PSMF1: variants seen among roughly 807,000 people sequenced by gnomAD.
The protein encoded by PSMF1 is proteasome inhibitor subunit 1, also known as proteasome inhibitor PI31 subunit.
PSMF1 carries 30 observed loss-of-function variants against 29.3 expected under a neutral mutation model. That is an observed-to-expected ratio of 1.02 (90% CI 0.77 to 1.39). The LOEUF (loss-of-function observed/expected upper bound fraction) is 1.39, where lower values mean the gene tolerates loss of function less well. Among genes scored for constraint, PSMF1 ranks in the 40% most tolerant of loss-of-function variants. The pLI, the probability that PSMF1 is intolerant of heterozygous loss-of-function variation, is 0.00. For missense variants in PSMF1, 344 were observed against 357.5 expected, an observed-to-expected ratio of 0.96 and a Z score of 0.31; for synonymous variants, 134 against 139.7, an observed-to-expected ratio of 0.96 and a Z score of 0.29.
At chr20:1,160,593 G>A (rs968753630) in intron 4 of PSMF1, 2 of 489,650 alleles carry the variant, frequency 4.1e-6, no homozygotes, top group African/African-American at 4.0e-5. Context: ...AATGGAAGAA[G>A]AGATCACCAT....
At chr20:1,124,754 A>C (rs572083222) in intron 1 of PSMF1, among the ~76,000 whole-genome samples, 40 of 152,362 alleles carry the variant, frequency 2.6e-4, no homozygotes, top group African/African-American at 9.1e-4. Context: ...ATTTCCAAAA[A>C]CTATCAAATA....
At chr20:1,119,164 T>C (rs1004558631) in intron 1 of PSMF1, among the ~76,000 whole-genome samples, 1 of 152,172 alleles carries the variant, frequency 6.6e-6, no homozygotes, top group Non-Finnish European at 1.5e-5. Context: ...TGGCAGCCTC[T>C]CAGGCCAGGA....
chr20:1,166,401 A>G lies in PSMF1; in HGVS notation c.*1321A>G, dbSNP rs2086730949. ...CTCAGCTCCCTGGATTCCTTCCCCTAAATTAGGACCTATTATTTACCTGTA... is the reference window on the plus strand; with the variant it reads ...CTCAGCTCCCTGGATTCCTTCCCCTGAATTAGGACCTATTATTTACCTGTA... On this transcript the variant is annotated 3_prime_UTR_variant, in exon 7 of 7. Transcript: ENST00000335877. 1.1e-6 allele frequency: 1 copy of G among 893,604 alleles called. No homozygotes were observed. Among genetic ancestry groups the G allele is most frequent in the Non-Finnish European group, 1.8e-6 (1 of 560,310 alleles). The allele number at this position is 893,604 out of a possible 1,614,324, so 55.4% of individuals were successfully genotyped here.
Position 1,164,972 on chromosome 20 carries a change from C to A in PSMF1, c.765-57C>A. ...TCCCTCAGTGCAGGGTCATGTCTGC[C>A]CATGTTCCCCTGGTCTCTCCATCAC... On this transcript the variant is annotated intron_variant, in intron 6 of 6. Coordinates refer to ENST00000335877, the MANE Select transcript of PSMF1 (RefSeq NM_006814.5). This position sits in a 1 kb window ranked among gnomAD's most constrained non-coding sequence, Gnocchi z 4.1. The A allele has an allele frequency of 6.9e-7, 1 of 1,458,912 alleles. No individual in the cohort carries two copies. Among genetic ancestry groups the A allele is most frequent in the Non-Finnish European group, 9.6e-7 (1 of 1,039,038 alleles). 90.4% of individuals were successfully genotyped at this position (1,458,912 alleles called of 1,614,324 possible). A position where few individuals can be genotyped will look rare whatever the true frequency, so the allele number is the denominator to read the frequency against.
rs567328572 is a variant in PSMF1, at chr20:1,170,480, C to T, written c.*5400C>T. Among the ~76,000 whole-genome samples, 1 of 152,226 alleles carries T rather than the reference C, an allele frequency of 6.6e-6. No individual in the cohort carries two copies. The highest frequency in any genetic ancestry group is 2.4e-5 in the African/African-American group (1 of 41,506). Reference sequence around the variant, plus strand: ...TCATGTTATCTTTAAAAATGCAGCACCTTTATAGCATACATTATATCTTCA... The same window carrying T: ...TCATGTTATCTTTAAAAATGCAGCATCTTTATAGCATACATTATATCTTCA... On this transcript the variant is annotated 3_prime_UTR_variant, in exon 7 of 7. Transcript: ENST00000335877.
At chr20:1,118,211 G>T (rs2086030850), upstream of PSMF1, among the ~76,000 whole-genome samples, 1 of 152,240 alleles carries the variant, frequency 6.6e-6, no homozygotes, top group Non-Finnish European at 1.5e-5. Context: ...GTGCAATGAG[G>T]CACATTAATC....
At chr20:1,138,248 C>G (rs2122520911) in intron 4 of PSMF1, among the ~76,000 whole-genome samples, 1 of 152,276 alleles carries the variant, frequency 6.6e-6, no homozygotes, top group East Asian at 1.9e-4. Context: ...AAAGTACTAA[C>G]AAACCAAATC....
At chr20:1,125,705 T>C (rs1259851015) in intron 2 of PSMF1, 55 bp downstream of exon 2, 1 of 1,573,084 alleles carries the variant, frequency 6.4e-7, no homozygotes, top group Non-Finnish European at 8.6e-7. Flanking sequence ...GAATGGCTGT[T>C]TTGAAACCCA....
chr20:1,171,074 A>AG lies in PSMF1; in HGVS notation c.*5994_*5995insG, dbSNP rs2086785315. ...TGAGGTGCATGGGTCCCTGGGCAAA[A>AG]CCCATTCCAGAAGCTGGGAAACCAC... On this transcript the variant is annotated 3_prime_UTR_variant, in exon 7 of 7. Coordinates refer to ENST00000335877, the MANE Select transcript of PSMF1 (RefSeq NM_006814.5). Among the ~76,000 whole-genome samples, 1 of 151,986 alleles carries AG rather than the reference A, an allele frequency of 6.6e-6. No homozygotes were observed. The highest frequency in any genetic ancestry group is 2.4e-5 in the African/African-American group (1 of 41,340).
chr20:1,121,859 C>A (rs183738938), intron 1 of PSMF1, among the ~76,000 whole-genome samples: 1 of 152,264 alleles, frequency 6.6e-6, no homozygotes, highest in African/African-American at 2.4e-5. Context: ...CCACTCCTCA[C>A]AAGAACTTTA....
chr20:1,135,240 C>T lies in PSMF1; in HGVS notation c.485C>T (p.Thr162Ile). ...SSPHREFPPA[T>I]AREVDPLRIP... is the part of the protein sequence containing the mutation. ...CCCCACCGGGAGTTCCCCCCTGCTA[C>T]CGCCAGAGAGGTGGACCCACTCCGG... The change falls in exon 4 of 7, where the codon ACC becomes ATC. Residue 162 changes from threonine to isoleucine, a missense_variant. Transcript: ENST00000335877. 6.2e-7 allele frequency: 1 copy of T among 1,614,120 alleles called. No homozygotes were observed. The highest frequency in any genetic ancestry group is 8.5e-7 in the Non-Finnish European group (1 of 1,180,006).
Position 1,165,206 on chromosome 20 carries a change from G to T in PSMF1, c.*126G>T, listed in dbSNP as rs2086714182. The T allele has an allele frequency of 2.0e-6, 3 of 1,525,740 alleles. No homozygotes were observed. The highest frequency in any genetic ancestry group is 1.8e-6 in the Non-Finnish European group (2 of 1,134,656). 94.5% of individuals were successfully genotyped at this position (1,525,740 alleles called of 1,614,324 possible). On this transcript the variant is annotated 3_prime_UTR_variant, in exon 7 of 7. Coordinates refer to ENST00000335877, the MANE Select transcript of PSMF1 (RefSeq NM_006814.5). ...ATTCTGCTCATGTGTTTGCAGACCG[G>T]CTGGGATAGCCTCCCCACCCCTTAT...
chr20:1,144,737 G>A (rs1219712316), intron 4 of PSMF1, among the ~76,000 whole-genome samples: 6 of 152,160 alleles, frequency 3.9e-5, no homozygotes, highest in East Asian at 3.8e-4. Flanking sequence ...TTATAGAGGC[G>A]CTAAACAGAT....
At chr20:1,151,701 A>G (rs776709860) in intron 4 of PSMF1, among the ~76,000 whole-genome samples, 3 of 152,236 alleles carry the variant, frequency 2.0e-5, no homozygotes, top group Admixed American at 2.0e-4. Flanking sequence ...TTTTAAAACA[A>G]TGGTAGAAGT....
chr20:1,155,871 G>A (rs996448479), intron 4 of PSMF1, among the ~76,000 whole-genome samples: 1 of 152,098 alleles, frequency 6.6e-6, no homozygotes, highest in African/African-American at 2.4e-5. Flanking sequence ...CAAAGTATCT[G>A]GAATAAAGTC....
rs921382682 is a variant in PSMF1, at chr20:1,127,210, GTAGGTGTTT to G, written c.283-212_283-204del. 5 of 716,280 alleles carry G rather than the reference GTAGGTGTTT, an allele frequency of 7.0e-6. No homozygotes were observed. The African/African-American group carries it at 8.7e-5, about 13-fold the overall frequency. The allele number at this position is 716,280 out of a possible 1,614,324, so 44.4% of individuals were successfully genotyped here. ...GCCCTTTTGCAAAAGAGCCTGGGAA[GTAGGTGTTT>G]TAGTCTCTGCCTTGGAAAGGCAATA... On this transcript the variant is annotated intron_variant, in intron 2 of 6. Transcript: ENST00000335877.
chr20:1,123,506 A>AT (rs1186349457), intron 1 of PSMF1, among the ~76,000 whole-genome samples: 3 of 151,738 alleles, frequency 2.0e-5, no homozygotes, highest in Non-Finnish European at 4.4e-5. Flanking sequence ...TGTAAACCTC[A>AT]TTTTTTGGGG....
intron 2 of PSMF1, among the ~76,000 whole-genome samples, chr20:1,126,150 A>T (rs556907442): frequency 6.6e-6 from 1 of 152,270 alleles, no homozygotes; most frequent in African/African-American, 2.4e-5. Flanking sequence ...TCCCCAAAAA[A>T]ATCTAAATTA....
chr20:1,154,951 A>G (rs980478047), intron 4 of PSMF1, among the ~76,000 whole-genome samples: 13 of 152,226 alleles, frequency 8.5e-5, no homozygotes, highest in African/African-American at 3.1e-4. Flanking sequence ...GTACTGATAA[A>G]GAAGGTTCTG....
Sources: gnomAD v4.1 joint callset for allele counts (sites outside exome capture counted in the v4.1 genomes callset) on GRCh38, gnomAD v4.1.1 for gene constraint, Gnocchi (gnomAD v3.1) non-coding constraint, MANE v1.5 for transcripts, NCBI Gene and HGNC (gene_info 2026-07-23, HGNC 2026-07-21) for gene names.